CA2: variants seen among roughly 807,000 people sequenced by gnomAD.
CA2 encodes carbonate dehydratase II.
Under a neutral mutation model 27.8 loss-of-function variants are expected in CA2, and 23 were observed. The observed-to-expected ratio is 0.83, with a 90% confidence interval of 0.59 to 1.17. The LOEUF (loss-of-function observed/expected upper bound fraction) is 1.17. CA2 is among the 50% of genes most tolerant of loss of function. CA2 has a pLI of 0.00. For missense variants in CA2, 300 were observed against 314.7 expected (o/e 0.95, Z 0.35); for synonymous variants, 99 against 114.9 (o/e 0.86, Z 0.88).
At chr8:85,473,064 T>C (rs1238397571) in intron 2 of CA2, among the ~76,000 whole-genome samples, 1 of 151,456 alleles carries the variant, frequency 6.6e-6, no homozygotes, top group Non-Finnish European at 1.5e-5. Flanking sequence ...GGAACAAAGC[T>C]AGCCAGCAGC....
intron 2 of CA2, among the ~76,000 whole-genome samples, chr8:85,466,338 T>C (rs1350085685): frequency 1.3e-5 from 2 of 151,962 alleles, no homozygotes; most frequent in Non-Finnish European, 2.9e-5. Flanking sequence ...CACATTTTGT[T>C]TGGTGGTGGT....
chr8:85,465,162 G>T, intron 1 of CA2, 110 bp from the exon 2 acceptor site: 2 of 834,626 alleles, frequency 2.4e-6, no homozygotes, highest in Non-Finnish European at 4.0e-6. Flanking sequence ...GTTAAGTGAT[G>T]CTTCTAAAAT....
chr8:85,477,910 A>G (rs1048543291), intron 6 of CA2, among the ~76,000 whole-genome samples: 1 of 152,230 alleles, frequency 6.6e-6, no homozygotes, highest in Admixed American at 6.5e-5. Flanking sequence ...CGCACAGTTG[A>G]AATGTAGAAA....
intron 1 of CA2, 49 bp downstream of exon 1, chr8:85,464,164 C>G (rs1471574634): frequency 8.1e-6 from 12 of 1,475,964 alleles, no homozygotes; most frequent in Admixed American, 4.1e-5. Context: ...CCCCGATCCC[C>G]GATCCCCGAT....
At chr8:85,475,995 T>C (rs1030895326) in intron 5 of CA2, 135 bp downstream of exon 5, 5 of 726,356 alleles carry the variant, frequency 6.9e-6, no homozygotes, top group Non-Finnish European at 1.2e-5. Context: ...AAAGGTAGAA[T>C]ATTACTTAAA....
chr8:85,465,657 C>G (rs2130544387), intron 2 of CA2, among the ~76,000 whole-genome samples, 188 bp downstream of exon 2: 1 of 152,164 alleles, frequency 6.6e-6, no homozygotes, highest in South Asian at 2.1e-4. Flanking sequence ...TTGAAGTGTC[C>G]CGGGGCCGTT....
Position 85,473,667 on chromosome 8 carries a change from C to CAT in CA2, c.233-15_233-14dup, listed in dbSNP as rs372410437. The CAT allele has an allele frequency of 7.1e-4, 762 of 1,069,676 alleles. 1 individual carries two copies. The highest frequency in any genetic ancestry group is 4.5e-3 in the Middle Eastern group (21 of 4,670). The allele number at this position is 1,069,676 out of a possible 1,614,324, so 66.3% of individuals were successfully genotyped here. On this transcript the variant is annotated intron_variant, in intron 2 of 6. Transcript: ENST00000285379. ...TATGCAGATACATACATATATGTTACATATATATATATGTTTTAATTTTAG... is the reference window on the plus strand; with the variant it reads ...TATGCAGATACATACATATATGTTACATATATATATATATGTTTTAATTTTAG...
chr8:85,480,445 G>GT lies in CA2; in HGVS notation c.664-214dup, dbSNP rs34086448. ...TTAATTTTTGTGTGTGTGTGTGTGT[G>GT]TTTTTTTTTTTGTAGAGACAGGGTT... is the stretch of plus-strand genomic sequence containing the variant. On this transcript the variant is annotated intron_variant, in intron 6 of 6. Transcript: ENST00000285379. Among the ~76,000 whole-genome samples, 80,317 of 144,316 alleles carry GT rather than the reference G, an allele frequency of 0.56. 22,816 individuals are homozygous for GT. The highest frequency in any genetic ancestry group is 0.64 in the Middle Eastern group (181 of 282). 94.7% of individuals were successfully genotyped at this position (144,316 alleles called of 152,430 possible).
At position 85,475,807 on chromosome 8, in the gene CA2, G is replaced by C. The variant is rs370695356; in HGVS notation, c.454G>C (p.Ala152Pro). ...VLGIFLKVGS[A>P]KPGLQKVVDV... is the part of the protein sequence containing the mutation. ...TTATGTTTTTCTTTAGGTTGGCAGCGCTAAACCGGGCCTTCAGAAAGTTGT... is the reference window on the plus strand; with the variant it reads ...TTATGTTTTTCTTTAGGTTGGCAGCCCTAAACCGGGCCTTCAGAAAGTTGT... Residue 152 changes from alanine to proline, a missense_variant, in exon 5 of 7, where the codon GCT (alanine) becomes CCT (proline). By Grantham distance (27) the Ala-to-Pro change is conservative. Transcript: ENST00000285379. 1 of 1,613,890 alleles carries C rather than the reference G, an allele frequency of 6.2e-7. No homozygotes were observed. The highest frequency in any genetic ancestry group is 8.5e-7 in the Non-Finnish European group (1 of 1,179,864).
chr8:85,478,888 A>C (rs886188676), intron 6 of CA2, among the ~76,000 whole-genome samples: 1 of 152,102 alleles, frequency 6.6e-6, no homozygotes, highest in East Asian at 1.9e-4. Flanking sequence ...AGATATAACC[A>C]CTTCTTGAGG....
At chr8:85,466,152 AAAG>A (rs1185965658) in intron 2 of CA2, among the ~76,000 whole-genome samples, 1 of 149,552 alleles carries the variant, frequency 6.7e-6, no homozygotes, top group Non-Finnish European at 1.5e-5. Context: ...AAAGAAAGAG[AAAG>A]AAGAAAAAAA....
At chr8:85,475,977 C>G in intron 5 of CA2, 117 bp downstream of exon 5, 1 of 797,334 alleles carries the variant, frequency 1.3e-6, no homozygotes, top group Non-Finnish European at 2.2e-6. Flanking sequence ...TTTGGATGAG[C>G]AGTTAGTAAA....
rs184908170 is a variant in CA2, at chr8:85,466,078, C to T, written c.232+609C>T. On this transcript the variant is annotated intron_variant, in intron 2 of 6. Transcript: ENST00000285379. ...CATACCTGGCCCATTACTGACAAAA[C>T]CAATTACCGTATTTATTGGTAATAG... is the stretch of plus-strand genomic sequence containing the variant. 5.0e-4 allele frequency among the ~76,000 whole-genome samples: 73 copies of T among 144,728 alleles called. 1 individual carries two copies. Among genetic ancestry groups the T allele is most frequent in the Admixed American group, 3.7e-3 (52 of 14,086 alleles). The allele number at this position is 144,728 out of a possible 152,430, so 94.9% of individuals were successfully genotyped here.
chr8:85,474,918 T>A (rs1811768769), intron 4 of CA2, among the ~76,000 whole-genome samples: 1 of 151,314 alleles, frequency 6.6e-6, no homozygotes. Flanking sequence ...ATCATCCAAG[T>A]ACAGCACGAA....
intron 2 of CA2, 115 bp downstream of exon 2, chr8:85,465,584 C>G (rs1012282454): frequency 1.2e-6 from 1 of 815,336 alleles, no homozygotes; most frequent in African/African-American, 1.7e-5. Flanking sequence ...TGTCTCAGGA[C>G]TCAAGGATGC....
intron 2 of CA2, among the ~76,000 whole-genome samples, chr8:85,468,240 A>G (rs1811658634): frequency 6.6e-6 from 1 of 152,242 alleles, no homozygotes; most frequent in Non-Finnish European, 1.5e-5. Flanking sequence ...GAGATAGGAA[A>G]TACCAGGAGA....
chr8:85,478,366 T>C (rs191349553), intron 6 of CA2, among the ~76,000 whole-genome samples: 132 of 152,366 alleles, frequency 8.7e-4, no homozygotes, highest in African/African-American at 3.1e-3. Flanking sequence ...ACTTGAAGAT[T>C]GACCTTGTAG....
intron 2 of CA2, among the ~76,000 whole-genome samples, 190 bp downstream of exon 2, chr8:85,465,659 G>A (rs1811618702): frequency 6.6e-6 from 1 of 152,100 alleles, no homozygotes; most frequent in South Asian, 2.1e-4. Flanking sequence ...GAAGTGTCCC[G>A]GGGCCGTTTC....
At chr8:85,476,901 GTT>G (rs76092398) in intron 5 of CA2, among the ~76,000 whole-genome samples, 6 of 139,358 alleles carry the variant, frequency 4.3e-5, no homozygotes, top group Admixed American at 1.4e-4. Flanking sequence ...TGTGAAAATA[GTT>G]TTTTTTTTTT....
Sources: gnomAD v4.1 joint callset for allele counts (sites outside exome capture counted in the v4.1 genomes callset) on GRCh38, gnomAD v4.1.1 for gene constraint, MANE v1.5 for transcripts, NCBI Gene and HGNC (gene_info 2026-07-23, HGNC 2026-07-21) for gene names.